Variants in DNAL1 observed in about 807,000 individuals in gnomAD.
DNAL1 encodes chromosome 14 open reading frame 168.
In DNAL1, 17 loss-of-function variants were observed where a neutral mutation model predicts 29.4. The ratio of observed to expected loss-of-function variants is 0.58; its 90% CI spans 0.40 to 0.87. The LOEUF (loss-of-function observed/expected upper bound fraction) is 0.87, where lower values mean the gene tolerates loss of function less well. DNAL1 is among the 40% of genes least tolerant of loss of function. The probability of loss-of-function intolerance (pLI) is 0.00; values close to 1 mark genes in which losing one functional copy is unlikely to be tolerated. For missense variants in DNAL1, 188 were observed against 214.1 expected (o/e 0.88, Z 0.76); for synonymous variants, 78 against 76.3 (o/e 1.02, Z -0.12).
intron 5 of DNAL1, among the ~76,000 whole-genome samples, chr14:73,679,269 C>T (rs1311283553): frequency 6.6e-6 from 1 of 152,218 alleles, no homozygotes; most frequent in African/African-American, 2.4e-5. Context: ...GCTGGGATTA[C>T]AGGCGTGAGC....
At chr14:73,675,654 A>G (rs909175416) in intron 5 of DNAL1, among the ~76,000 whole-genome samples, 2 of 152,100 alleles carry the variant, frequency 1.3e-5, no homozygotes, top group Admixed American at 6.6e-5. Context: ...TGCTTGATAT[A>G]TATAGTAGAC....
chr14:73,688,059 G>A lies in DNAL1; in HGVS notation c.391+674G>A, dbSNP rs1049455380. Reference sequence around the variant, plus strand: ...GATGAACGTAATCTGATAGGTCCTGGTCCTATTAATCATGAAAAAAATTTA... The same window carrying A: ...GATGAACGTAATCTGATAGGTCCTGATCCTATTAATCATGAAAAAAATTTA... On this transcript the variant is annotated intron_variant, in intron 6 of 7. Transcript: ENST00000553645. Among the ~76,000 whole-genome samples the A allele has an allele frequency of 1.6e-4, 24 of 151,766 alleles. 1 individual carries two copies. Among genetic ancestry groups the A allele is most frequent in the African/African-American group, 4.8e-5 (2 of 41,312 alleles).
intron 7 of DNAL1, among the ~76,000 whole-genome samples, chr14:73,694,335 C>G (rs1476957125): frequency 4.6e-5 from 7 of 151,956 alleles, no homozygotes; most frequent in Admixed American, 4.6e-4. Flanking sequence ...AATGAAGGAA[C>G]TTTGTTAACC....
chr14:73,688,610 G>C (rs761113317), intron 6 of DNAL1, among the ~76,000 whole-genome samples: 5 of 152,182 alleles, frequency 3.3e-5, no homozygotes, highest in Non-Finnish European at 5.9e-5. Context: ...GTGACAGAAG[G>C]AGACTCTTTC....
chr14:73,676,362 C>A (rs1383155657), intron 5 of DNAL1, among the ~76,000 whole-genome samples: 1 of 152,094 alleles, frequency 6.6e-6, no homozygotes, highest in Non-Finnish European at 1.5e-5. Flanking sequence ...CTATTCCCTA[C>A]CAGCTCCATG....
rs550843851 is a variant in DNAL1, at chr14:73,679,692, C to T, written c.265-7567C>T. On this transcript the variant is annotated intron_variant, in intron 5 of 7. Transcript: ENST00000553645. ...TGTCTTTTTACCTTATTCGTGGTTA[C>T]CAAATGGTATTTAAAAATTTTTGTT... Among the ~76,000 whole-genome samples, 13 of 152,182 alleles carry T rather than the reference C, an allele frequency of 8.5e-5. No individual in the cohort carries two copies. In the South Asian group the frequency reaches 2.3e-3, roughly 27 times the overall value.
intron 5 of DNAL1, among the ~76,000 whole-genome samples, chr14:73,684,870 C>T (rs942543235): frequency 1.3e-5 from 2 of 152,092 alleles, no homozygotes; most frequent in East Asian, 1.9e-4. Context: ...CTGCAGCCTG[C>T]GTAACAGATC....
At chr14:73,650,150 AT>A (rs1444887966) in intron 1 of DNAL1, among the ~76,000 whole-genome samples, 1 of 151,718 alleles carries the variant, frequency 6.6e-6, no homozygotes, top group Non-Finnish European at 1.5e-5. Flanking sequence ...TGCCTGGCTA[AT>A]TTTTTTATCT....
intron 5 of DNAL1, among the ~76,000 whole-genome samples, chr14:73,682,013 G>A (rs1891899480): frequency 6.6e-6 from 1 of 151,612 alleles, no homozygotes; most frequent in Admixed American, 6.6e-5. Flanking sequence ...TTGGAAGGCT[G>A]AGGCAGGAGA....
chr14:73,699,780 T>C lies in DNAL1; in HGVS notation c.*3838T>C, dbSNP rs1321801588. On this transcript the variant is annotated 3_prime_UTR_variant, in exon 8 of 8. Transcript: ENST00000553645. ...CAACAGAAGCCAACTTTATGATAGA[T>C]TTTGCTTTGTCTCTAAAGTTTAATA... 1 of 152,192 alleles carries C rather than the reference T, an allele frequency of 6.6e-6. No homozygotes were observed. The highest frequency in any genetic ancestry group is 1.5e-5 in the Non-Finnish European group (1 of 68,036). The allele number at this position is 152,192 out of a possible 1,614,324, so 9.4% of individuals were successfully genotyped here. A position where few individuals can be genotyped will look rare whatever the true frequency, so the allele number is the denominator to read the frequency against.
At chr14:73,662,794 TA>T (rs1450938699) in intron 4 of DNAL1, among the ~76,000 whole-genome samples, 1 of 149,070 alleles carries the variant, frequency 6.7e-6, no homozygotes, top group Admixed American at 6.8e-5. Context: ...TCCTTAATCA[TA>T]TCTGCAAAGT....
At chr14:73,679,261 T>C (rs1336158852) in intron 5 of DNAL1, among the ~76,000 whole-genome samples, 1 of 152,218 alleles carries the variant, frequency 6.6e-6, no homozygotes, top group Admixed American at 6.5e-5. Context: ...CCCAAAGTGC[T>C]GGGATTACAG....
intron 6 of DNAL1, among the ~76,000 whole-genome samples, chr14:73,687,896 C>T (rs532461720): frequency 2.6e-5 from 4 of 152,128 alleles, no homozygotes; most frequent in African/African-American, 9.6e-5. Context: ...TAAATGACGA[C>T]TTAATGGGCA....
At chr14:73,675,354 A>C (rs1200110095) in intron 5 of DNAL1, among the ~76,000 whole-genome samples, 1 of 151,852 alleles carries the variant, frequency 6.6e-6, no homozygotes, top group Non-Finnish European at 1.5e-5. Context: ...AGTATAGTTT[A>C]CTATAATCTT....
chr14:73,653,558 A>G (rs926664178), intron 1 of DNAL1, among the ~76,000 whole-genome samples: 4 of 151,616 alleles, frequency 2.6e-5, no homozygotes, highest in East Asian at 1.9e-4. Context: ...GAGTCTCTCT[A>G]TGTTGCCCAG....
rs537464030 is a variant in DNAL1, at chr14:73,677,702, G to A, written c.264+6105G>A. Among the ~76,000 whole-genome samples the A allele has an allele frequency of 5.4e-5, 8 of 148,890 alleles. No homozygotes were observed. In the East Asian group the frequency reaches 8.0e-4, roughly 15 times the overall value. ...CTCCTGAGTAGCTGGGACTACAGGCGCCCGCCACCACGCCCGGCTAATTTT... is the reference window on the plus strand; with the variant it reads ...CTCCTGAGTAGCTGGGACTACAGGCACCCGCCACCACGCCCGGCTAATTTT... On this transcript the variant is annotated intron_variant, in intron 5 of 7. Coordinates refer to ENST00000553645, the MANE Select transcript of DNAL1 (RefSeq NM_031427.4).
intron 4 of DNAL1, 104 bp downstream of exon 4, chr14:73,662,146 T>C: frequency 1.0e-6 from 1 of 986,094 alleles, no homozygotes; most frequent in Non-Finnish European, 1.5e-6. Flanking sequence ...GTTTTAGCCA[T>C]ACTTGTTGTC....
intron 1 of DNAL1, among the ~76,000 whole-genome samples, chr14:73,645,863 A>T (rs1890964932): frequency 6.6e-6 from 1 of 152,214 alleles, no homozygotes; most frequent in Admixed American, 6.5e-5. Context: ...TAGTCGTTTG[A>T]AAAGGATTGC....
At position 73,696,085 on chromosome 14, in the gene DNAL1, T is replaced by G; in HGVS notation, c.*143T>G. On this transcript the variant is annotated 3_prime_UTR_variant, in exon 8 of 8. Coordinates refer to ENST00000553645, the MANE Select transcript of DNAL1 (RefSeq NM_031427.4). ...AGATCACTCATTCTCATCTTTTTTT[T>G]TCCTTTAACTTATTCAGTGTTTCTC... 1 of 757,056 alleles carries G rather than the reference T, an allele frequency of 1.3e-6. No individual in the cohort carries two copies. The highest frequency in any genetic ancestry group is 2.0e-6 in the Non-Finnish European group (1 of 488,060). 46.9% of individuals were successfully genotyped at this position (757,056 alleles called of 1,614,324 possible).
Sources: gnomAD v4.1 joint callset for allele counts (sites outside exome capture counted in the v4.1 genomes callset) on GRCh38, gnomAD v4.1.1 for gene constraint, MANE v1.5 for transcripts, NCBI Gene and HGNC (gene_info 2026-07-23, HGNC 2026-07-21) for gene names.